FAM50B: variants seen among roughly 807,000 people sequenced by gnomAD.
FAM50B encodes the protein protein FAM50B.
A neutral mutation model predicts 25.4 loss-of-function variants in FAM50B; 9 were observed. That is an observed-to-expected ratio of 0.35 (90% CI 0.21 to 0.62). The LOEUF is 0.62. FAM50B is among the 20% of genes least tolerant of loss of function. The pLI, the probability that FAM50B is intolerant of heterozygous loss-of-function variation, is 0.73. For synonymous variants in FAM50B, 212 were observed against 204.3 expected, an observed-to-expected ratio of 1.04 and a Z score of -0.32; for missense variants, 372 against 477.9, an observed-to-expected ratio of 0.78 and a Z score of 2.07.
At chr6:3,834,266 G>A in the FAM50B span, among the ~76,000 whole-genome samples, 2 of 146,950 alleles carry the variant, frequency 1.4e-5, no homozygotes, top group South Asian at 2.2e-4. Flanking sequence ...ATTCATATAT[G>A]TATAAAATTC....
the FAM50B span, among the ~76,000 whole-genome samples, chr6:3,839,466 C>T: frequency 1.3e-5 from 2 of 152,076 alleles, no homozygotes; most frequent in Non-Finnish European, 2.9e-5. Flanking sequence ...GAAAGTAGAT[C>T]AGTGGTTGCC....
In FAM50B at chr6:3,850,212, C is replaced by T. The variant is rs937947723; in HGVS notation, c.401C>T (p.Ala134Val). 6.2e-7 allele frequency: 1 copy of T among 1,613,238 alleles called. No homozygotes were observed. Among genetic ancestry groups the T allele is most frequent in the African/African-American group, 1.3e-5 (1 of 74,944 alleles). The change falls in exon 2 of 2, where the codon GCC becomes GTC. Residue 134 changes from alanine (A) to valine (V), a missense_variant. Ala to Val is a moderately conservative substitution (Grantham distance 64, BLOSUM62 0). Around this residue, in one of 4 missense-constraint regions of FAM50B, gnomAD observed 224 missense variants for 232.2 expected, o/e 0.96. Coordinates refer to ENST00000648326, the MANE Select transcript of FAM50B (RefSeq NM_012135.3). ...GACCTCGATGACCAGGCCGACGCGG[C>T]CGAGGCCAGGCGCGCCGGAAACCTG... ...LDDLDDQADAAEARRAGNLGK... is the reference protein window; with the variant it reads ...LDDLDDQADAVEARRAGNLGK...
chr6:3,838,198 C>T, the FAM50B span, among the ~76,000 whole-genome samples: 1 of 152,114 alleles, frequency 6.6e-6, no homozygotes, highest in East Asian at 1.9e-4. Flanking sequence ...ATAATAACAG[C>T]ACTTTGGGAG....
chr6:3,850,903 A>G lies in FAM50B; in HGVS notation c.*114A>G. ...TTCTTCCCCCAAATTTAATAAAGAC[A>G]GAGGGTTCTCATGATTCACATTGGT... On this transcript the variant is annotated 3_prime_UTR_variant, in exon 2 of 2. Coordinates refer to ENST00000648326, the MANE Select transcript of FAM50B (RefSeq NM_012135.3). 1 of 1,463,192 alleles carries G rather than the reference A, an allele frequency of 6.8e-7. No individual in the cohort carries two copies. The highest frequency in any genetic ancestry group is 1.4e-5 in the South Asian group (1 of 72,680). 90.6% of individuals were successfully genotyped at this position (1,463,192 alleles called of 1,614,324 possible).
At chr6:3,835,213 A>C in the FAM50B span, among the ~76,000 whole-genome samples, 51 of 152,296 alleles carry the variant, frequency 3.3e-4, no homozygotes, top group African/African-American at 1.2e-3. Flanking sequence ...CCCAACCAGG[A>C]CACTAGAAAT....
chr6:3,850,281 A>AC lies in FAM50B; in HGVS notation c.472dup (p.Arg158ProfsTer116), dbSNP rs746031683. 2 of 1,613,098 alleles carry AC rather than the reference A, an allele frequency of 1.2e-6. 1 individual carries two copies. Among genetic ancestry groups the AC allele is most frequent in the South Asian group, 2.2e-5 (2 of 91,056 alleles). On this transcript the variant is annotated frameshift_variant, in exon 2 of 2. Transcript: ENST00000648326. LOFTEE classifies it high-confidence loss of function. ...GACACCAGCTTCCTGCCAGACCGCG[A>AC]CCGCGAGGAGGAGGAGAACCGGCTC...
the FAM50B span, among the ~76,000 whole-genome samples, chr6:3,836,536 T>C: frequency 6.6e-6 from 1 of 152,206 alleles, no homozygotes; most frequent in Non-Finnish European, 1.5e-5. Flanking sequence ...CCAATCTTAA[T>C]ACCTAGAACA....
chr6:3,850,144 C>T lies in FAM50B; in HGVS notation c.333C>T (p.Arg111=), dbSNP rs148854528. 6.2e-7 allele frequency: 1 copy of T among 1,611,310 alleles called. No individual in the cohort carries two copies. Among genetic ancestry groups the T allele is most frequent in the African/African-American group, 1.3e-5 (1 of 75,048 alleles). The change falls in exon 2 of 2, where the codon CGC becomes CGT. Residue 111 remains arginine (R), a synonymous_variant. Transcript: ENST00000648326. ...QERQREQEQR[R]ERKRKISCLS... ...GGCAGCGGGAGCAGGAGCAGCGGCG[C>T]GAGCGCAAGCGTAAGATCTCCTGCC...
At chr6:3,843,015 T>A in the FAM50B span, among the ~76,000 whole-genome samples, 2 of 152,336 alleles carry the variant, frequency 1.3e-5, no homozygotes, top group East Asian at 3.9e-4. Context: ...TTGTTAATAT[T>A]TTGTTTGGGC....
At chr6:3,841,786 G>C in the FAM50B span, among the ~76,000 whole-genome samples, 1 of 152,212 alleles carries the variant, frequency 6.6e-6, no homozygotes, top group African/African-American at 2.4e-5. Flanking sequence ...AGAAGTTGTT[G>C]CCTCAGGGTG....
At chr6:3,835,201 TC>T in the FAM50B span, among the ~76,000 whole-genome samples, 1 of 152,052 alleles carries the variant, frequency 6.6e-6, no homozygotes, top group Non-Finnish European at 1.5e-5. Flanking sequence ...GAAAATATTT[TC>T]CCCAACCAGG....
chr6:3,838,772 C>G, the FAM50B span, among the ~76,000 whole-genome samples: 1 of 137,706 alleles, frequency 7.3e-6, no homozygotes, highest in Admixed American at 8.1e-5. Flanking sequence ...ACCTGGGAGA[C>G]AGAGGTTGCA....
At chr6:3,844,440 G>C (rs1307121645), upstream of FAM50B, among the ~76,000 whole-genome samples, 1 of 152,190 alleles carries the variant, frequency 6.6e-6, no homozygotes, top group Non-Finnish European at 1.5e-5. Flanking sequence ...ACCGGGCGAG[G>C]TGGCTCACGC....
At chr6:3,845,166 C>T (rs1762107184), upstream of FAM50B, among the ~76,000 whole-genome samples, 1 of 152,170 alleles carries the variant, frequency 6.6e-6, no homozygotes, top group Non-Finnish European at 1.5e-5. Context: ...AGGAAGTTAT[C>T]ATCTTGGAAC....
the FAM50B span, chr6:3,832,058 A>C: frequency 6.6e-6 from 1 of 152,224 alleles, no homozygotes; most frequent in Non-Finnish European, 1.5e-5. Flanking sequence ...CAGTTGCGGG[A>C]AGTACAGCTG....
At chr6:3,833,710 C>T in the FAM50B span, 1 of 152,190 alleles carries the variant, frequency 6.6e-6, no homozygotes, top group East Asian at 1.9e-4. Flanking sequence ...TCAAGTAAGA[C>T]AGCATGTAGC....
In FAM50B at chr6:3,850,306, C is replaced by T. The variant is rs767874546; in HGVS notation, c.495C>T (p.Leu165=). The T allele has an allele frequency of 5.0e-6, 8 of 1,613,282 alleles. No homozygotes were observed. The highest frequency in any genetic ancestry group is 4.0e-5 in the African/African-American group (3 of 75,052). ...DRDREEEENR[L]REELRQEWEA... ...ACCGCGAGGAGGAGGAGAACCGGCTCCGAGAGGAGCTGCGCCAAGAGTGGG... is the reference window on the plus strand; with the variant it reads ...ACCGCGAGGAGGAGGAGAACCGGCTTCGAGAGGAGCTGCGCCAAGAGTGGG... The change falls in exon 2 of 2, where the codon CTC becomes CTT. Residue 165 remains leucine (L), a synonymous_variant. Coordinates refer to ENST00000648326, the MANE Select transcript of FAM50B (RefSeq NM_012135.3).
chr6:3,850,903 A>C lies in FAM50B; in HGVS notation c.*114A>C. On this transcript the variant is annotated 3_prime_UTR_variant, in exon 2 of 2. Transcript: ENST00000648326. Reference sequence around the variant, plus strand: ...TTCTTCCCCCAAATTTAATAAAGACAGAGGGTTCTCATGATTCACATTGGT... The same window carrying C: ...TTCTTCCCCCAAATTTAATAAAGACCGAGGGTTCTCATGATTCACATTGGT... 6.8e-7 allele frequency: 1 copy of C among 1,463,192 alleles called. No homozygotes were observed. 90.6% of individuals were successfully genotyped at this position (1,463,192 alleles called of 1,614,324 possible). A position where few individuals can be genotyped will look rare whatever the true frequency, so the allele number is the denominator to read the frequency against.
chr6:3,842,351 G>A, the FAM50B span, among the ~76,000 whole-genome samples: 3 of 152,244 alleles, frequency 2.0e-5, no homozygotes, highest in Admixed American at 2.0e-4. Flanking sequence ...AAACTGGCCA[G>A]TGTCATACTG....
Sources: gnomAD v4.1 joint callset for allele counts (sites outside exome capture counted in the v4.1 genomes callset) on GRCh38, gnomAD v4.1.1 for gene constraint, gnomAD v4.1.1 regional missense constraint, MANE v1.5 for transcripts, NCBI Gene and HGNC (gene_info 2026-07-23, HGNC 2026-07-21) for gene names.